Variants in ANGPT4 observed in about 807,000 individuals in gnomAD.
ANGPT4 encodes angiopoietin-4.
ANGPT4 carries 50 observed loss-of-function variants against 53.0 expected under a neutral mutation model. The ratio of observed to expected loss-of-function variants is 0.94; its 90% CI spans 0.75 to 1.20. The LOEUF is 1.20. Ranked by LOEUF, ANGPT4 falls within the 50% of genes most tolerant of loss-of-function variation. ANGPT4 has a pLI of 0.00. For synonymous variants in ANGPT4, 251 were observed against 259.7 expected, an observed-to-expected ratio of 0.97 and a Z score of 0.32; for missense variants, 648 against 637.1, an observed-to-expected ratio of 1.02 and a Z score of -0.18.
chr20:896,445 G>A (rs1982054058), intron 1 of ANGPT4, among the ~76,000 whole-genome samples: 1 of 152,196 alleles, frequency 6.6e-6, no homozygotes, highest in Non-Finnish European at 1.5e-5. Context: ...AGGTCTGGGA[G>A]AGTCAGGAGG....
chr20:880,788 C>T (rs532728650), intron 5 of ANGPT4, among the ~76,000 whole-genome samples: 7 of 152,136 alleles, frequency 4.6e-5, no homozygotes, highest in Non-Finnish European at 7.4e-5. Flanking sequence ...TCTAATTTCC[C>T]ACATGGAGCA....
chr20:879,405 G>A (rs1568825829), intron 6 of ANGPT4, among the ~76,000 whole-genome samples: 1 of 152,102 alleles, frequency 6.6e-6, no homozygotes, highest in East Asian at 1.9e-4. Flanking sequence ...GAAAAGACAA[G>A]AAACTTCATT....
At chr20:900,449 C>T (rs924193650) in intron 1 of ANGPT4, among the ~76,000 whole-genome samples, 13 of 152,222 alleles carry the variant, frequency 8.5e-5, no homozygotes, top group South Asian at 2.1e-4. Context: ...AGTTTTGCCT[C>T]GCACAAGGTC....
intron 6 of ANGPT4, among the ~76,000 whole-genome samples, chr20:879,496 A>G (rs1158683130): frequency 1.3e-5 from 2 of 152,160 alleles, no homozygotes; most frequent in African/African-American, 4.8e-5. Context: ...AGAAATGTAT[A>G]TGTATTTTTT....
intron 1 of ANGPT4, among the ~76,000 whole-genome samples, chr20:893,975 G>T (rs1981947269): frequency 6.6e-6 from 1 of 151,742 alleles, no homozygotes; most frequent in African/African-American, 2.4e-5. Flanking sequence ...GCTCCCAGGA[G>T]ATTCTTTTTT....
At chr20:874,025 A>G (rs1362565638) in intron 8 of ANGPT4, among the ~76,000 whole-genome samples, 2 of 152,116 alleles carry the variant, frequency 1.3e-5, no homozygotes, top group Non-Finnish European at 2.9e-5. Flanking sequence ...CCCTGCACTC[A>G]GTGTTTCTTT....
chr20:890,669 C>G (rs1981808202), intron 1 of ANGPT4, among the ~76,000 whole-genome samples: 1 of 152,222 alleles, frequency 6.6e-6, no homozygotes, highest in Non-Finnish European at 1.5e-5. Context: ...CACACTCCTC[C>G]TTTGCTCAAA....
At chr20:878,937 C>T (rs1438028306) in intron 6 of ANGPT4, among the ~76,000 whole-genome samples, 1 of 152,136 alleles carries the variant, frequency 6.6e-6, no homozygotes, top group East Asian at 1.9e-4. Flanking sequence ...GAATTCAGCA[C>T]CAAGGACAGG....
intron 8 of ANGPT4, among the ~76,000 whole-genome samples, chr20:873,758 C>G (rs1981045673): frequency 1.3e-5 from 2 of 152,150 alleles, no homozygotes; most frequent in Admixed American, 1.3e-4. Flanking sequence ...ATGACTCTGA[C>G]AGCCTTGGTG....
rs555815977 is a variant in ANGPT4, at chr20:904,442, C to T, written c.309+11464G>A. On this transcript the variant is annotated intron_variant, in intron 1 of 8. Coordinates refer to ENST00000381922, the MANE Select transcript of ANGPT4 (RefSeq NM_015985.4). ...GCTGCTTGAAATTCCATCTATGGGC[C>T]TCCATTGTTTGCTCATCTAGTCCCC... Among the ~76,000 whole-genome samples, 27 of 152,322 alleles carry T rather than the reference C, an allele frequency of 1.8e-4. No homozygotes were observed. The East Asian group carries it at 5.0e-3, about 28-fold the overall frequency.
intron 1 of ANGPT4, among the ~76,000 whole-genome samples, chr20:899,541 C>CCA (rs1600059104): frequency 6.6e-6 from 1 of 152,232 alleles, no homozygotes; most frequent in South Asian, 2.1e-4. Flanking sequence ...GCATGAACCA[C>CCA]CGCCCCCGGC....
intron 3 of ANGPT4, among the ~76,000 whole-genome samples, chr20:887,952 A>T (rs888865128): frequency 6.6e-6 from 1 of 151,976 alleles, no homozygotes; most frequent in Non-Finnish European, 1.5e-5. Context: ...CCCCAGGAAG[A>T]TGCCTATCCC....
chr20:890,081 A>C, intron 2 of ANGPT4, 132 bp downstream of exon 2: 1 of 1,101,358 alleles, frequency 9.1e-7, no homozygotes, highest in Non-Finnish European at 1.3e-6. Flanking sequence ...GGGAGGAGGG[A>C]CCCGGGGGGC....
At chr20:890,845 T>C (rs111797955) in intron 1 of ANGPT4, among the ~76,000 whole-genome samples, 82 of 151,786 alleles carry the variant, frequency 5.4e-4, no homozygotes, top group African/African-American at 1.9e-3. Context: ...AGCAAGCATG[T>C]GCCCACAGCT....
intron 1 of ANGPT4, among the ~76,000 whole-genome samples, chr20:898,062 C>T (rs1299826226): frequency 3.2e-4 from 48 of 151,950 alleles, no homozygotes; most frequent in Admixed American, 3.1e-3. Context: ...TCTCTGCTCC[C>T]AAAGCGACTC....
chr20:875,042 T>C (rs1332939216), intron 7 of ANGPT4, among the ~76,000 whole-genome samples: 1 of 152,206 alleles, frequency 6.6e-6, no homozygotes, highest in Admixed American at 6.5e-5. Context: ...CTTTCTTTTT[T>C]TTCTATTCTT....
intron 1 of ANGPT4, among the ~76,000 whole-genome samples, chr20:892,359 G>T (rs1217579776): frequency 6.6e-6 from 1 of 152,150 alleles, no homozygotes; most frequent in Non-Finnish European, 1.5e-5. Context: ...ACTTTGGAAG[G>T]CTAAGGAGAG....
chr20:893,258 A>T (rs1264575476), intron 1 of ANGPT4, among the ~76,000 whole-genome samples: 5 of 152,342 alleles, frequency 3.3e-5, no homozygotes, highest in Admixed American at 3.3e-4. Context: ...CATTACCAAT[A>T]GAAATCCCAA....
Position 916,309 on chromosome 20 carries a change from G to T in ANGPT4, c.-95C>A. 7.5e-7 allele frequency: 1 copy of T among 1,334,438 alleles called. No homozygotes were observed. The highest frequency in any genetic ancestry group is 1.4e-5 in the African/African-American group (1 of 69,200). 82.7% of individuals were successfully genotyped at this position (1,334,438 alleles called of 1,614,324 possible). On this transcript the variant is annotated 5_prime_UTR_variant, in exon 1 of 9. Transcript: ENST00000381922. ...CAGCCAACAGTGGCCAGGCTTGCCT[G>T]CAGCTGCAGCTACAAACCTCTGTCT...
Sources: gnomAD v4.1 joint callset for allele counts (sites outside exome capture counted in the v4.1 genomes callset) on GRCh38, gnomAD v4.1.1 for gene constraint, MANE v1.5 for transcripts, NCBI Gene and HGNC (gene_info 2026-07-23, HGNC 2026-07-21) for gene names.